LGSN: variants seen among roughly 807,000 people sequenced by gnomAD.
LGSN encodes lengsin, lens protein with glutamine synthetase domain, also known as lengsin.
A neutral mutation model predicts 19.5 loss-of-function variants in LGSN; 21 were observed. That is an observed-to-expected ratio of 1.07 (90% CI 0.76 to 1.55). The LOEUF (loss-of-function observed/expected upper bound fraction) is 1.55. Ranked by LOEUF, LGSN falls within the 40% of genes most tolerant of loss-of-function variation. The pLI is 0.00. For missense variants in LGSN, 673 were observed against 608.5 expected (o/e 1.11, Z -1.12); for synonymous variants, 257 against 215.6 (o/e 1.19, Z -1.68).
the LGSN span, among the ~76,000 whole-genome samples, chr6:63,493,232 C>T: frequency 6.6e-6 from 1 of 152,068 alleles, no homozygotes; most frequent in Non-Finnish European, 1.5e-5. Flanking sequence ...TGGTTTAAAA[C>T]AAAATGAAAA....
At chr6:63,511,743 G>C in the LGSN span, among the ~76,000 whole-genome samples, 8 of 152,036 alleles carry the variant, frequency 5.3e-5, no homozygotes, top group Admixed American at 1.3e-4. Flanking sequence ...AATCAAAATT[G>C]GAAAATATTT....
the LGSN span, among the ~76,000 whole-genome samples, chr6:63,393,533 GA>G: frequency 6.6e-6 from 1 of 152,116 alleles, no homozygotes; most frequent in Admixed American, 6.6e-5. Flanking sequence ...TGGTTAACTG[GA>G]AAGCCCATTT....
the LGSN span, among the ~76,000 whole-genome samples, chr6:63,470,189 C>T: frequency 5.3e-5 from 8 of 151,846 alleles, no homozygotes; most frequent in South Asian, 2.1e-4. Flanking sequence ...GACTTATGGT[C>T]GGGTACAGTA....
chr6:63,566,180 A>G, the LGSN span, among the ~76,000 whole-genome samples: 1 of 152,232 alleles, frequency 6.6e-6, no homozygotes, highest in Non-Finnish European at 1.5e-5. Context: ...ACCCCAAACC[A>G]TTTGAAGACA....
At chr6:63,560,444 C>G in the LGSN span, among the ~76,000 whole-genome samples, 1 of 142,816 alleles carries the variant, frequency 7.0e-6, no homozygotes, top group African/African-American at 2.6e-5. Flanking sequence ...TTCTGTTGGG[C>G]GGGCTGGAAG....
At chr6:63,461,729 C>T in the LGSN span, among the ~76,000 whole-genome samples, 1 of 152,190 alleles carries the variant, frequency 6.6e-6, no homozygotes, top group Non-Finnish European at 1.5e-5. Flanking sequence ...CTTCATACCC[C>T]ACGGCCCTGA....
intron 1 of LGSN, among the ~76,000 whole-genome samples, chr6:63,296,109 T>C (rs1767969201): frequency 6.6e-6 from 1 of 152,152 alleles, no homozygotes; most frequent in Non-Finnish European, 1.5e-5. Flanking sequence ...AAGGCTAAAA[T>C]AGAAAAAGAA....
chr6:63,508,266 A>G, the LGSN span, among the ~76,000 whole-genome samples: 3 of 152,206 alleles, frequency 2.0e-5, no homozygotes, highest in Non-Finnish European at 4.4e-5. Flanking sequence ...CATTTTCCTC[A>G]AAAACAACTT....
the LGSN span, among the ~76,000 whole-genome samples, chr6:63,480,940 GATATATATATAT>G: frequency 5.3e-3 from 320 of 59,878 alleles, 4 homozygotes; most frequent in Middle Eastern, 0.046. Flanking sequence ...TAAAGAAAAT[GATATATATATAT>G]ATATATATAT....
chr6:63,283,646 A>G (rs569514395), intron 3 of LGSN, among the ~76,000 whole-genome samples: 2 of 149,812 alleles, frequency 1.3e-5, no homozygotes, highest in East Asian at 3.9e-4. Flanking sequence ...AGATGGAATA[A>G]GGTACACACA....
chr6:63,534,253 C>A, the LGSN span, among the ~76,000 whole-genome samples: 3 of 152,108 alleles, frequency 2.0e-5, no homozygotes, highest in Non-Finnish European at 4.4e-5. Context: ...CATGGTTTAA[C>A]AGTGTAACTG....
At chr6:63,520,820 G>A in the LGSN span, among the ~76,000 whole-genome samples, 2 of 152,064 alleles carry the variant, frequency 1.3e-5, no homozygotes, top group Non-Finnish European at 2.9e-5. Context: ...AGGTGGTAAA[G>A]AGATCATTTA....
the LGSN span, among the ~76,000 whole-genome samples, chr6:63,496,145 G>A: frequency 6.6e-6 from 1 of 152,072 alleles, no homozygotes; most frequent in African/African-American, 2.4e-5. Context: ...GGCTGGTCTC[G>A]AACTCCTTAC....
chr6:63,471,117 AT>A, the LGSN span, among the ~76,000 whole-genome samples: 7,938 of 141,488 alleles, frequency 0.056, 697 homozygotes, highest in African/African-American at 0.19. Flanking sequence ...TACTCGGCTA[AT>A]TTTTTTTTTT....
chr6:63,304,823 A>G lies in LGSN; in HGVS notation c.31-9778T>C, dbSNP rs184436877. On this transcript the variant is annotated intron_variant, in intron 1 of 3. Transcript: ENST00000370657. The stretch of plus-strand genomic sequence containing the variant: ...TGTAGAATGTCAGATGGTATCTTTG[A>G]CTGGAATGACAAAATCTCAAAGAAA... 2.8e-3 allele frequency among the ~76,000 whole-genome samples: 422 copies of G among 152,250 alleles called. 4 individuals carry two copies. Among genetic ancestry groups the G allele is most frequent in the African/African-American group, 9.6e-3 (398 of 41,558 alleles).
At chr6:63,389,537 T>A in the LGSN span, among the ~76,000 whole-genome samples, 2 of 152,120 alleles carry the variant, frequency 1.3e-5, no homozygotes, top group East Asian at 3.8e-4. Flanking sequence ...AAGAGAAAAA[T>A]TTGAAGGAAC....
chr6:63,446,554 A>G, the LGSN span, among the ~76,000 whole-genome samples: 2 of 152,228 alleles, frequency 1.3e-5, no homozygotes, highest in African/African-American at 4.8e-5. Flanking sequence ...AACAGCAACG[A>G]GCACATAGTA....
the LGSN span, among the ~76,000 whole-genome samples, chr6:63,480,990 C>CAT: frequency 2.1e-4 from 8 of 38,374 alleles, no homozygotes; most frequent in Non-Finnish European, 3.4e-4. Context: ...TATATATACA[C>CAT]ACACACATAC....
chr6:63,519,843 T>G, the LGSN span, among the ~76,000 whole-genome samples: 5 of 152,330 alleles, frequency 3.3e-5, no homozygotes, highest in East Asian at 9.6e-4. Flanking sequence ...AATTCAATCA[T>G]CAATTTATCA....
Sources: allele counts gnomAD v4.1 joint callset (sites outside exome capture counted in the v4.1 genomes callset), GRCh38; gene constraint gnomAD v4.1.1; transcripts MANE v1.5; gene names NCBI Gene and HGNC (gene_info 2026-07-23, HGNC 2026-07-21).